Variants in CLNK observed in about 807,000 individuals in gnomAD.
CLNK encodes the protein cytokine-dependent hematopoietic cell linker.
In CLNK, 74 loss-of-function variants were observed where a neutral mutation model predicts 68.6. The observed-to-expected ratio is 1.08, with a 90% CI of 0.89 to 1.31. The LOEUF (loss-of-function observed/expected upper bound fraction) is 1.31, where lower values mean the gene tolerates loss of function less well. Among genes scored for constraint, CLNK ranks in the 50% most tolerant of loss-of-function variants. CLNK has a pLI of 0.00. For missense variants in CLNK, 553 were observed against 515.3 expected (o/e 1.07, Z -0.71); for synonymous variants, 198 against 172.2 (o/e 1.15, Z -1.17).
At chr4:10,694,211 C>T in the CLNK span, among the ~76,000 whole-genome samples, 1 of 151,370 alleles carries the variant, frequency 6.6e-6, no homozygotes. Flanking sequence ...TTTGCTGATT[C>T]ATACTAGATT....
the CLNK span, among the ~76,000 whole-genome samples, chr4:10,723,739 A>G: frequency 6.6e-6 from 1 of 152,196 alleles, no homozygotes; most frequent in Non-Finnish European, 1.5e-5. Flanking sequence ...TGTACATAGT[A>G]GATAACACAG....
intron 7 of CLNK, among the ~76,000 whole-genome samples, chr4:10,563,690 C>G (rs997421115): frequency 1.3e-5 from 2 of 152,056 alleles, no homozygotes; most frequent in Admixed American, 6.6e-5. Flanking sequence ...GGGTGGATCA[C>G]GAGGTCAGGA....
chr4:10,728,832 C>T, the CLNK span, among the ~76,000 whole-genome samples: 84,617 of 151,760 alleles, frequency 0.56, 25,029 homozygotes, highest in Non-Finnish European at 0.65. Flanking sequence ...ATCTCCTGAT[C>T]TCGTGATCTG....
At chr4:10,679,722 T>A (rs1054574113) in intron 1 of CLNK, among the ~76,000 whole-genome samples, 2 of 152,142 alleles carry the variant, frequency 1.3e-5, no homozygotes, top group African/African-American at 4.8e-5. Flanking sequence ...GAACAGACAC[T>A]TCTCAAAAGA....
intron 18 of CLNK, among the ~76,000 whole-genome samples, chr4:10,499,545 T>A (rs1426583021): frequency 6.6e-6 from 1 of 152,198 alleles, no homozygotes; most frequent in Non-Finnish European, 1.5e-5. Context: ...TTCACACGTG[T>A]GCCTACCTGA....
chr4:10,490,557 T>C lies in CLNK; in HGVS notation c.1197A>G (p.Leu399=). The part of the protein sequence containing the change: ...IEHYKNFPII[L]IDGKDKTGVH... ...CCCCAGTTTTATCTTTCCCATCAAT[T>C]AGTATAATGGGAAAATTCTTGTAGT... Residue 399 remains leucine, a synonymous_variant, in exon 19 of 19, where the codon CTA becomes CTG. Transcript: ENST00000226951. 6.3e-7 allele frequency: 1 copy of C among 1,599,060 alleles called. No homozygotes were observed. The highest frequency in any genetic ancestry group is 8.5e-7 in the Non-Finnish European group (1 of 1,171,836).
At chr4:10,651,434 A>C (rs565001698) in intron 2 of CLNK, among the ~76,000 whole-genome samples, 1 of 152,322 alleles carries the variant, frequency 6.6e-6, no homozygotes, top group Admixed American at 6.5e-5. Flanking sequence ...CATTCACAGC[A>C]AACTAACACA....
chr4:10,520,797 T>C lies in CLNK; in HGVS notation c.766A>G (p.Asn256Asp). ...ATTCTGAAAGTGCTCTTACCTCTGT[T>C]TTGCACACTGTGGTTGCTTGTCGTG... ...SFTTSNHSVQ[N>D]RDHRGGMQPC... is the part of the protein sequence containing the mutation. The change falls in exon 15 of 19, where the codon AAC becomes GAC. Residue 256 changes from asparagine to aspartate, a missense_variant. Asn to Asp is a conservative substitution (Grantham distance 23, BLOSUM62 1). Coordinates refer to ENST00000226951, the MANE Select transcript of CLNK (RefSeq NM_052964.4). 1 of 1,606,542 alleles carries C rather than the reference T, an allele frequency of 6.2e-7. No individual in the cohort carries two copies.
At chr4:10,620,198 T>C (rs1722383467) in intron 2 of CLNK, among the ~76,000 whole-genome samples, 1 of 152,160 alleles carries the variant, frequency 6.6e-6, no homozygotes, top group Admixed American at 6.5e-5. Context: ...AAATGAAGGA[T>C]TTGAATCTGG....
In CLNK at chr4:10,522,033, C is replaced by T. The variant is rs1057491440; in HGVS notation, c.732-1202G>A. ...CAGAACTTTGGGAGGCTGAGGCAGGCGGATCACAAGGTCAGGAGATCGAGA... is the reference window on the plus strand; with the variant it reads ...CAGAACTTTGGGAGGCTGAGGCAGGTGGATCACAAGGTCAGGAGATCGAGA... On this transcript the variant is annotated intron_variant, in intron 14 of 18. Transcript: ENST00000226951. Among the ~76,000 whole-genome samples, 12 of 151,774 alleles carry T rather than the reference C, an allele frequency of 7.9e-5. No homozygotes were observed. In the East Asian group the frequency reaches 9.8e-4, roughly 12 times the overall value.
intron 2 of CLNK, among the ~76,000 whole-genome samples, chr4:10,625,038 A>G (rs1722613979): frequency 6.6e-6 from 1 of 152,184 alleles, no homozygotes; most frequent in Admixed American, 6.5e-5. Flanking sequence ...TAGAATAATA[A>G]CCATCATGGT....
intron 5 of CLNK, among the ~76,000 whole-genome samples, chr4:10,569,924 T>C (rs1164007714): frequency 6.6e-6 from 1 of 152,188 alleles, no homozygotes; most frequent in Non-Finnish European, 1.5e-5. Context: ...CTGTTGGATC[T>C]TTTTTCTCTA....
At chr4:10,628,306 A>T (rs1722754819) in intron 2 of CLNK, among the ~76,000 whole-genome samples, 1 of 109,430 alleles carries the variant, frequency 9.1e-6, no homozygotes, top group African/African-American at 2.9e-5. Context: ...TTGTTTAGTT[A>T]GACTTGTTTT....
chr4:10,501,643 G>A (rs1460584776), intron 17 of CLNK, among the ~76,000 whole-genome samples: 6 of 152,030 alleles, frequency 3.9e-5, no homozygotes, highest in African/African-American at 1.2e-4. Context: ...GTCTTTCATT[G>A]AGGCCAGGTG....
At chr4:10,575,830 GA>G (rs1720541214) in intron 4 of CLNK, among the ~76,000 whole-genome samples, 1 of 152,246 alleles carries the variant, frequency 6.6e-6, no homozygotes, top group Admixed American at 6.5e-5. Flanking sequence ...ATTGTGATGT[GA>G]GGAAGAAATA....
At chr4:10,548,021 C>T (rs1577121453) in intron 8 of CLNK, among the ~76,000 whole-genome samples, 1 of 152,204 alleles carries the variant, frequency 6.6e-6, no homozygotes. Context: ...GATTCGTGAA[C>T]CATAAGGTAT....
rs1291188385 is a variant in CLNK, at chr4:10,495,208, G to A, written c.1141-4595C>T. Among the ~76,000 whole-genome samples, 5 of 152,214 alleles carry A rather than the reference G, an allele frequency of 3.3e-5. No homozygotes were observed. In the East Asian group the frequency reaches 9.6e-4, roughly 29 times the overall value. ...ACTTATAAACATTTGTAGAACAAAAGGAGAGATCTGGAAATTGAAATTGAA... is the reference window on the plus strand; with the variant it reads ...ACTTATAAACATTTGTAGAACAAAAAGAGAGATCTGGAAATTGAAATTGAA... On this transcript the variant is annotated intron_variant, in intron 18 of 18. Coordinates refer to ENST00000226951, the MANE Select transcript of CLNK (RefSeq NM_052964.4).
At chr4:10,521,746 AAGATTTG>A (rs1469063745) in intron 14 of CLNK, among the ~76,000 whole-genome samples, 1 of 152,200 alleles carries the variant, frequency 6.6e-6, no homozygotes, top group Non-Finnish European at 1.5e-5. Flanking sequence ...ACTGAAATTC[AAGATTTG>A]ACTCCGTTAA....
chr4:10,673,514 T>C (rs1183283165), intron 1 of CLNK, among the ~76,000 whole-genome samples: 1 of 152,150 alleles, frequency 6.6e-6, no homozygotes, highest in African/African-American at 2.4e-5. Flanking sequence ...TCATGTCCTT[T>C]ACAGGGACAT....
Sources: allele counts gnomAD v4.1 joint callset (sites outside exome capture counted in the v4.1 genomes callset), GRCh38; gene constraint gnomAD v4.1.1; transcripts MANE v1.5; gene names NCBI Gene and HGNC (gene_info 2026-07-23, HGNC 2026-07-21).